TACC2: variants seen among roughly 807,000 people sequenced by gnomAD.
TACC2 encodes transforming acidic coiled-coil-containing protein 2.
Under a neutral mutation model 227.3 loss-of-function variants are expected in TACC2, and 137 were observed. That is an observed-to-expected ratio of 0.60 (90% CI 0.52 to 0.69). The LOEUF (loss-of-function observed/expected upper bound fraction) is 0.69, where lower values mean the gene tolerates loss of function less well. TACC2 is among the 30% of genes least tolerant of loss of function. The pLI is 0.00. For synonymous variants in TACC2, 1,523 were observed against 1,487.5 expected, an observed-to-expected ratio of 1.02 and a Z score of -0.55; for missense variants, 3,470 against 3,694.4, an observed-to-expected ratio of 0.94 and a Z score of 1.57.
At chr10:122,166,805 G>A (rs1313016835) in intron 7 of TACC2, among the ~76,000 whole-genome samples, 1 of 152,216 alleles carries the variant, frequency 6.6e-6, no homozygotes, top group Non-Finnish European at 1.5e-5. Context: ...AGTTCTTGTA[G>A]CAATAGTGAC....
intron 12 of TACC2, among the ~76,000 whole-genome samples, chr10:122,225,754 G>T (rs1450469228): frequency 6.6e-6 from 1 of 152,214 alleles, no homozygotes; most frequent in Non-Finnish European, 1.5e-5. Context: ...ATGAATTCGT[G>T]AGGAGCATGC....
At chr10:122,186,978 G>A (rs1481258645) in intron 7 of TACC2, among the ~76,000 whole-genome samples, 2 of 152,160 alleles carry the variant, frequency 1.3e-5, no homozygotes, top group East Asian at 1.9e-4. Context: ...CTCCAGGAAG[G>A]CGTAGCAGGA....
intron 3 of TACC2, among the ~76,000 whole-genome samples, chr10:122,074,079 A>C (rs1227891533): frequency 1.1e-5 from 1 of 92,806 alleles, no homozygotes; most frequent in Non-Finnish European, 2.1e-5. Context: ...AGCACCCGGC[A>C]TCTTTTTTTT....
intron 11 of TACC2, among the ~76,000 whole-genome samples, chr10:122,221,860 T>C (rs1555486): frequency 0.5 from 75,368 of 152,066 alleles, 19,866 homozygotes; most frequent in East Asian, 0.88. Context: ...ATCCTAGCAA[T>C]GGAGACCTGG....
intron 1 of TACC2, among the ~76,000 whole-genome samples, chr10:121,997,304 G>T (rs558688852): frequency 2.6e-5 from 4 of 152,110 alleles, no homozygotes; most frequent in Non-Finnish European, 5.9e-5. Flanking sequence ...TCTGAGGGTG[G>T]ATGGATCTCC....
chr10:122,189,375 G>A (rs552937599), intron 7 of TACC2, among the ~76,000 whole-genome samples: 21 of 152,296 alleles, frequency 1.4e-4, no homozygotes, highest in African/African-American at 4.8e-4. Flanking sequence ...TTTCTGGAAG[G>A]TCTCCCTCTC....
chr10:122,079,388 C>G (rs958735825), intron 3 of TACC2, among the ~76,000 whole-genome samples: 2 of 152,174 alleles, frequency 1.3e-5, no homozygotes, highest in South Asian at 2.1e-4. Context: ...TCTTCCGTGA[C>G]CATTTGTGAA....
rs532142813 is a variant in TACC2 at position 122,207,044 on chromosome 10, A to G, written c.5972-3353A>G. 6.4e-4 allele frequency among the ~76,000 whole-genome samples: 97 copies of G among 152,188 alleles called. 1 individual carries two copies. The South Asian group carries it at 0.011, about 17-fold the overall frequency. ...CTGGGTGTGGTGGCTCACACCTGTAATCTCAACACTTTGGGAGGCTGAGGC... is the reference window on the plus strand; with the variant it reads ...CTGGGTGTGGTGGCTCACACCTGTAGTCTCAACACTTTGGGAGGCTGAGGC... On this transcript the variant is annotated intron_variant, in intron 8 of 22. Transcript: ENST00000369005.
At chr10:122,175,407 TAAC>T (rs946959975) in intron 7 of TACC2, among the ~76,000 whole-genome samples, 34 of 152,348 alleles carry the variant, frequency 2.2e-4, no homozygotes, top group Admixed American at 7.8e-4. Flanking sequence ...GAACTGTTTG[TAAC>T]AACAAGGAAA....
At chr10:122,169,087 C>A (rs1364773932) in intron 7 of TACC2, among the ~76,000 whole-genome samples, 2 of 152,232 alleles carry the variant, frequency 1.3e-5, no homozygotes, top group Non-Finnish European at 2.9e-5. Context: ...TGCTCACACA[C>A]ATCTATCCTG....
chr10:122,111,642 C>T (rs10749441), intron 5 of TACC2, among the ~76,000 whole-genome samples: 49,380 of 150,188 alleles, frequency 0.33, 9,058 homozygotes, highest in South Asian at 0.44. Context: ...AGGCACACAC[C>T]ATCATGCCCA....
chr10:121,999,488 T>C (rs1954002049), intron 1 of TACC2, among the ~76,000 whole-genome samples: 1 of 152,256 alleles, frequency 6.6e-6, no homozygotes, highest in Admixed American at 6.5e-5. Flanking sequence ...TGAATCCCAG[T>C]TGGTCACAAG....
chr10:122,248,864 AC>A, intron 20 of TACC2, 61 bp downstream of exon 20: 1 of 1,600,960 alleles, frequency 6.2e-7, no homozygotes, highest in Non-Finnish European at 8.5e-7. Flanking sequence ...TTGTGGGAGC[AC>A]TGGGAGGGGG....
In TACC2 at chr10:122,006,488, G is replaced by A. The variant is rs548447606; in HGVS notation, c.-45-15449G>A. On this transcript the variant is annotated intron_variant, in intron 1 of 22. Transcript: ENST00000369005. Reference sequence around the variant, plus strand: ...TAAATAAATAAATAAATAAAAAATAGGATGCCACTCTAATCCTTTTGGTTT... The same window carrying A: ...TAAATAAATAAATAAATAAAAAATAAGATGCCACTCTAATCCTTTTGGTTT... Among the ~76,000 whole-genome samples the A allele has an allele frequency of 3.5e-5, 4 of 114,690 alleles. No individual in the cohort carries two copies. In the East Asian group the frequency reaches 9.1e-4, roughly 26 times the overall value. The allele number at this position is 114,690 out of a possible 152,430, so 75.2% of individuals were successfully genotyped here.
At chr10:122,058,121 G>A (rs1280941580) in intron 3 of TACC2, among the ~76,000 whole-genome samples, 2 of 152,226 alleles carry the variant, frequency 1.3e-5, no homozygotes, top group Non-Finnish European at 2.9e-5. Flanking sequence ...ACCTTTTAAT[G>A]TATAAAGCCT....
chr10:122,085,462 C>T lies in TACC2; in HGVS notation c.2962C>T (p.Gln988Ter), dbSNP rs758278410. The T allele has an allele frequency of 1.2e-6, 2 of 1,613,750 alleles. No homozygotes were observed. Among genetic ancestry groups the T allele is most frequent in the Non-Finnish European group, 8.5e-7 (1 of 1,180,046 alleles). The change falls in exon 4 of 23, where the codon CAG becomes TAG. Residue 988 changes from glutamine (Q) to a stop codon, truncating the protein, a stop_gained. Transcript: ENST00000369005. LOFTEE classifies it high-confidence loss of function. ...CAGAAAGGAAACTTGCTGCACTGGG[C>T]AGGGGCCAAACAAGTCTCAACAGGC... ...FSRKETCCTG[Q>*]GPNKSQQALA...
chr10:122,008,263 TA>T (rs1321001859), intron 1 of TACC2, among the ~76,000 whole-genome samples: 3 of 65,426 alleles, frequency 4.6e-5, no homozygotes, highest in East Asian at 7.2e-4. Context: ...TTATTATTAT[TA>T]TTTTTTTTTT....
chr10:122,157,413 A>G (rs1431133308), intron 7 of TACC2, among the ~76,000 whole-genome samples: 1 of 152,100 alleles, frequency 6.6e-6, no homozygotes, highest in Non-Finnish European at 1.5e-5. Flanking sequence ...GTGGGAGGAT[A>G]TTGTTGAAGG....
At chr10:122,238,413 C>T (rs1031569610) in intron 18 of TACC2, among the ~76,000 whole-genome samples, 1 of 152,086 alleles carries the variant, frequency 6.6e-6, no homozygotes, top group Non-Finnish European at 1.5e-5. Flanking sequence ...TAAATGAGAG[C>T]TTGCAGTATA....
Sources: allele counts gnomAD v4.1 joint callset (sites outside exome capture counted in the v4.1 genomes callset), GRCh38; gene constraint gnomAD v4.1.1; transcripts MANE v1.5; gene names NCBI Gene and HGNC (gene_info 2026-07-23, HGNC 2026-07-21).